The following SPHKAP variants were observed in gnomAD, a reference collection of about 807,000 sequenced individuals.
SPHKAP encodes A-kinase anchor protein SPHKAP.
SPHKAP carries 67 observed loss-of-function variants against 137.5 expected under a neutral mutation model. That is an observed-to-expected ratio of 0.49 (90% CI 0.40 to 0.60). The LOEUF is 0.60. SPHKAP is among the 20% of genes least tolerant of loss of function. The pLI is 0.00. For synonymous variants in SPHKAP, 813 were observed against 785.3 expected, an observed-to-expected ratio of 1.04 and a Z score of -0.59; for missense variants, 2,097 against 2,069.3, an observed-to-expected ratio of 1.01 and a Z score of -0.26.
chr2:228,068,215 A>C (rs1247904931), intron 3 of SPHKAP, among the ~76,000 whole-genome samples: 1 of 152,152 alleles, frequency 6.6e-6, no homozygotes, highest in Admixed American at 6.5e-5. Context: ...TATAAATGAA[A>C]GAAATTATAA....
At position 228,154,481 on chromosome 2, in the gene SPHKAP, ACT is replaced by A. The variant is rs371642332; in HGVS notation, c.33-22398_33-22397del. Among the ~76,000 whole-genome samples, 295 of 47,168 alleles carry A rather than the reference ACT, an allele frequency of 6.3e-3. 6 individuals carry two copies. The highest frequency in any genetic ancestry group is 0.016 in the Middle Eastern group (1 of 64). The allele number at this position is 47,168 out of a possible 152,430, so 30.9% of individuals were successfully genotyped here. On this transcript the variant is annotated intron_variant, in intron 1 of 11. Coordinates refer to ENST00000392056, the MANE Select transcript of SPHKAP (RefSeq NM_001142644.2). ...CTATTTTTGTACAATTTGTAAATAA[ACT>A]CTCTCTCTCTCTCTCTCTCTCTCTC...
At chr2:228,118,932 A>C (rs995864001) in intron 2 of SPHKAP, among the ~76,000 whole-genome samples, 2 of 152,208 alleles carry the variant, frequency 1.3e-5, no homozygotes, top group African/African-American at 4.8e-5. Flanking sequence ...TCATAATCAC[A>C]TAAATTATAA....
At chr2:227,995,811 GTC>G in intron 7 of SPHKAP, 117 bp from the exon 8 acceptor site, 1 of 1,327,520 alleles carries the variant, frequency 7.5e-7, no homozygotes, top group South Asian at 1.6e-5. Flanking sequence ...CACAGGCAGA[GTC>G]TCCCTGGGCT....
At chr2:228,124,894 C>T (rs776520786) in intron 2 of SPHKAP, among the ~76,000 whole-genome samples, 16 of 152,076 alleles carry the variant, frequency 1.1e-4, no homozygotes, top group South Asian at 2.1e-4. Flanking sequence ...ATGAAACATC[C>T]GGGGACATCC....
At chr2:228,087,090 C>T (rs1697563306) in intron 3 of SPHKAP, among the ~76,000 whole-genome samples, 1 of 152,108 alleles carries the variant, frequency 6.6e-6, no homozygotes, top group African/African-American at 2.4e-5. Context: ...ATGAACTAGA[C>T]AGCCAAAAAA....
intron 3 of SPHKAP, among the ~76,000 whole-genome samples, chr2:228,042,014 GA>G (rs368444136): frequency 2.2e-4 from 34 of 152,170 alleles, no homozygotes; most frequent in East Asian, 1.2e-3. Flanking sequence ...AAAGGGAGAA[GA>G]AAGTGAAAGT....
chr2:228,145,501 G>C (rs891281060), intron 1 of SPHKAP, among the ~76,000 whole-genome samples: 1 of 152,106 alleles, frequency 6.6e-6, no homozygotes. Flanking sequence ...GCTTGCCCAG[G>C]TGATTTTGGC....
intron 1 of SPHKAP, among the ~76,000 whole-genome samples, chr2:228,180,887 C>G (rs1559218888): frequency 6.6e-6 from 1 of 152,190 alleles, no homozygotes; most frequent in African/African-American, 2.4e-5. Flanking sequence ...ACACGTTACT[C>G]GCACCCGGCA....
chr2:228,046,098 G>A (rs185979704), intron 3 of SPHKAP, among the ~76,000 whole-genome samples: 43 of 152,004 alleles, frequency 2.8e-4, no homozygotes, highest in African/African-American at 9.4e-4. Context: ...ACACACATAC[G>A]GTAATTATGG....
chr2:228,070,925 T>C (rs1574822275), intron 3 of SPHKAP, among the ~76,000 whole-genome samples: 1 of 152,256 alleles, frequency 6.6e-6, no homozygotes, highest in East Asian at 1.9e-4. Context: ...ATTCCTTCGG[T>C]GTTGAACTCA....
rs138623940 is a variant in SPHKAP, at chr2:228,011,973, C to T, written c.4448+4433G>A. 3.9e-3 allele frequency among the ~76,000 whole-genome samples: 599 copies of T among 151,912 alleles called. 4 individuals are homozygous for T. Among genetic ancestry groups the T allele is most frequent in the African/African-American group, 0.014 (560 of 41,420 alleles). On this transcript the variant is annotated intron_variant, in intron 7 of 11. Transcript: ENST00000392056. Reference sequence around the variant, plus strand: ...TTGAGCCCAGGAGTCTGAGACCAGCCTGGGCAACAGAATGACATCTCCATC... The same window carrying T: ...TTGAGCCCAGGAGTCTGAGACCAGCTTGGGCAACAGAATGACATCTCCATC...
chr2:228,077,505 C>T (rs983705432), intron 3 of SPHKAP, among the ~76,000 whole-genome samples: 1 of 152,224 alleles, frequency 6.6e-6, no homozygotes, highest in Non-Finnish European at 1.5e-5. Flanking sequence ...CATATTGGAA[C>T]TTGAAGATTT....
Position 228,099,152 on chromosome 2 carries a change from T to C in SPHKAP, c.246+9680A>G, listed in dbSNP as rs186628167. ...ATTTCCTAGGTTTTCTTCTAGGATG[T>C]TTATATTTTTAGGTCATACCTTTAA... is the stretch of plus-strand genomic sequence containing the variant. On this transcript the variant is annotated intron_variant, in intron 3 of 11. Transcript: ENST00000392056. 1.1e-3 allele frequency among the ~76,000 whole-genome samples: 164 copies of C among 152,314 alleles called. 1 individual carries two copies. Among genetic ancestry groups the C allele is most frequent in the African/African-American group, 3.7e-3 (155 of 41,578 alleles).
intron 11 of SPHKAP, among the ~76,000 whole-genome samples, chr2:227,987,089 T>C (rs1401887131): frequency 1.3e-5 from 2 of 152,226 alleles, no homozygotes; most frequent in Admixed American, 6.5e-5. Context: ...GATATTTCTC[T>C]GGAAGGAGGT....
At chr2:228,158,032 G>A (rs1201559784) in intron 1 of SPHKAP, among the ~76,000 whole-genome samples, 1 of 152,196 alleles carries the variant, frequency 6.6e-6, no homozygotes, top group Non-Finnish European at 1.5e-5. Flanking sequence ...AGCTCACTGT[G>A]ACTGACACAC....
chr2:228,035,337 C>A (rs1357105137), intron 3 of SPHKAP, among the ~76,000 whole-genome samples: 2 of 151,776 alleles, frequency 1.3e-5, no homozygotes, highest in South Asian at 2.1e-4. Flanking sequence ...ATGTGAAGGA[C>A]CTCTTCAAGG....
chr2:228,114,908 T>C (rs1408582154), intron 2 of SPHKAP, among the ~76,000 whole-genome samples: 1 of 152,136 alleles, frequency 6.6e-6, no homozygotes, highest in Non-Finnish European at 1.5e-5. Context: ...CTGACTGTGA[T>C]AAAGGAAATC....
At chr2:228,066,908 T>C (rs1030245317) in intron 3 of SPHKAP, among the ~76,000 whole-genome samples, 1 of 152,214 alleles carries the variant, frequency 6.6e-6, no homozygotes, top group Non-Finnish European at 1.5e-5. Context: ...TAAATGTATT[T>C]TTGATGTACT....
chr2:228,171,729 G>C (rs916112254), intron 1 of SPHKAP, among the ~76,000 whole-genome samples: 6 of 152,002 alleles, frequency 3.9e-5, no homozygotes, highest in Non-Finnish European at 1.5e-5. Context: ...CTGTGTAATT[G>C]GACCCACACA....
Sources: allele counts gnomAD v4.1 joint callset (sites outside exome capture counted in the v4.1 genomes callset), GRCh38; gene constraint gnomAD v4.1.1; transcripts MANE v1.5; gene names NCBI Gene and HGNC (gene_info 2026-07-23, HGNC 2026-07-21).